Variants in SLC2A12 observed in about 807,000 individuals in gnomAD.
SLC2A12 encodes the protein solute carrier family 2 member 12.
Under a neutral mutation model 41.8 loss-of-function variants are expected in SLC2A12, and 23 were observed. The observed-to-expected ratio is 0.55, with a 90% CI of 0.40 to 0.78. The LOEUF is 0.78. Ranked by LOEUF, SLC2A12 falls within the 30% of genes least tolerant of loss-of-function variation. The pLI is 0.00. For synonymous variants in SLC2A12, 295 were observed against 285.9 expected (o/e 1.03, Z -0.32); for missense variants, 654 against 745.6 (o/e 0.88, Z 1.43).
intron 1 of SLC2A12, among the ~76,000 whole-genome samples, chr6:134,036,042 G>T (rs1777293879): frequency 6.6e-6 from 1 of 152,190 alleles, no homozygotes; most frequent in African/African-American, 2.4e-5. Context: ...GTTTCTGCCT[G>T]CTTTCTTCTT....
At position 134,052,511 on chromosome 6, in the gene SLC2A12, C is replaced by A; in HGVS notation, c.-31G>T. On this transcript the variant is annotated 5_prime_UTR_variant, in exon 1 of 5. Coordinates refer to ENST00000275230, the MANE Select transcript of SLC2A12 (RefSeq NM_145176.3). ...CGTAGAAGTTACAGCCGCTTCCCCG[C>A]CACCAAACCGCCCCGACCACCCCCG... The A allele has an allele frequency of 6.3e-7, 1 of 1,582,266 alleles. No homozygotes were observed. Among genetic ancestry groups the A allele is most frequent in the Non-Finnish European group, 8.7e-7 (1 of 1,154,684 alleles).
intron 3 of SLC2A12, among the ~76,000 whole-genome samples, chr6:134,003,772 G>A (rs9375999): frequency 0.19 from 28,393 of 152,066 alleles, 2,774 homozygotes; most frequent in African/African-American, 0.21. Context: ...CTCTCGAGAT[G>A]TTTTACTCAG....
At chr6:134,022,059 A>T (rs1476363091) in intron 2 of SLC2A12, among the ~76,000 whole-genome samples, 2 of 152,176 alleles carry the variant, frequency 1.3e-5, no homozygotes, top group African/African-American at 2.4e-5. Context: ...CTACAAGTAA[A>T]TCGTGGCCCT....
intron 3 of SLC2A12, among the ~76,000 whole-genome samples, chr6:134,005,536 T>TGTAG (rs1374538656): frequency 6.6e-6 from 1 of 151,656 alleles, no homozygotes; most frequent in East Asian, 1.9e-4. Flanking sequence ...GGTGCGCACC[T>TGTAG]GTAGTCCCAG....
At chr6:134,003,923 G>A (rs145333983) in intron 3 of SLC2A12, among the ~76,000 whole-genome samples, 2 of 152,308 alleles carry the variant, frequency 1.3e-5, no homozygotes, top group Non-Finnish European at 2.9e-5. Flanking sequence ...AGAACCTCAC[G>A]TCTTTTAGAT....
intron 2 of SLC2A12, among the ~76,000 whole-genome samples, chr6:134,013,007 A>T (rs1437687197): frequency 1.3e-5 from 2 of 152,162 alleles, no homozygotes; most frequent in Non-Finnish European, 2.9e-5. Context: ...GTATAAGAAC[A>T]AGGTATTTAA....
At chr6:134,052,110 T>G (rs1290095900) in intron 1 of SLC2A12, among the ~76,000 whole-genome samples, 1 of 152,162 alleles carries the variant, frequency 6.6e-6, no homozygotes, top group East Asian at 1.9e-4. Flanking sequence ...GGTGGATGTG[T>G]AACCTGTATT....
At chr6:133,996,592 C>T (rs229908) in intron 4 of SLC2A12, among the ~76,000 whole-genome samples, 104,275 of 152,056 alleles carry the variant, frequency 0.69, 36,343 homozygotes, top group East Asian at 0.89. Context: ...TAACTTGATA[C>T]TGTAGTTTCC....
rs200551604 is a variant in SLC2A12, at chr6:134,016,397, C to CA, written c.1445-9464dup. ...GGTTTGCTAGGCTGGGGTGTTCCCT[C>CA]AAAAAAAAAAATTATGTGCAGGTGT... On this transcript the variant is annotated intron_variant, in intron 2 of 4. Coordinates refer to ENST00000275230, the MANE Select transcript of SLC2A12 (RefSeq NM_145176.3). Among the ~76,000 whole-genome samples the CA allele has an allele frequency of 5.3e-3, 785 of 147,974 alleles. 7 individuals are homozygous for CA. The highest frequency in any genetic ancestry group is 0.018 in the African/African-American group (729 of 40,602).
chr6:134,044,523 G>A (rs1347165092), intron 1 of SLC2A12, among the ~76,000 whole-genome samples: 1 of 151,996 alleles, frequency 6.6e-6, no homozygotes, highest in Non-Finnish European at 1.5e-5. Flanking sequence ...AGACCAGCCT[G>A]GCCAACATGA....
intron 4 of SLC2A12, among the ~76,000 whole-genome samples, chr6:133,997,051 C>G (rs1353372795): frequency 8.0e-6 from 1 of 124,312 alleles, no homozygotes; most frequent in Non-Finnish European, 1.6e-5. Flanking sequence ...ACAATCCTGG[C>G]TAACACGGTG....
chr6:134,041,905 A>AG (rs1777386997), intron 1 of SLC2A12, among the ~76,000 whole-genome samples: 1 of 152,162 alleles, frequency 6.6e-6, no homozygotes, highest in South Asian at 2.1e-4. Flanking sequence ...GTCTCCAGGA[A>AG]GGGGATGCTC....
chr6:134,052,551 C>T lies in SLC2A12; in HGVS notation c.-71G>A. 8.5e-7 allele frequency: 1 copy of T among 1,183,276 alleles called. No homozygotes were observed. Among genetic ancestry groups the T allele is most frequent in the Non-Finnish European group, 1.2e-6 (1 of 803,826 alleles). The allele number at this position is 1,183,276 out of a possible 1,614,324, so 73.3% of individuals were successfully genotyped here. A position where few individuals can be genotyped will look rare whatever the true frequency, so the allele number is the denominator to read the frequency against. The stretch of plus-strand genomic sequence containing the variant: ...GACCACCCCCGCTCCCAGGAGTGGT[C>T]ACTTTCCCCATAATAGCATGCTAAA... On this transcript the variant is annotated 5_prime_UTR_variant, in exon 1 of 5. An upstream open reading frame in the 5' UTR loses its in-frame stop. Coordinates refer to ENST00000275230, the MANE Select transcript of SLC2A12 (RefSeq NM_145176.3).
chr6:134,031,007 A>G (rs1397614934), intron 1 of SLC2A12, among the ~76,000 whole-genome samples: 1 of 152,218 alleles, frequency 6.6e-6, no homozygotes, highest in Non-Finnish European at 1.5e-5. Context: ...TGGTTTGGAC[A>G]AGAGATAATG....
chr6:134,020,449 A>G (rs1777026311), intron 2 of SLC2A12, among the ~76,000 whole-genome samples: 1 of 152,236 alleles, frequency 6.6e-6, no homozygotes, highest in Non-Finnish European at 1.5e-5. Context: ...CTTGTTCCTA[A>G]TAAAAATCTT....
At chr6:134,032,442 A>T (rs956431890) in intron 1 of SLC2A12, among the ~76,000 whole-genome samples, 16 of 36,684 alleles carry the variant, frequency 4.4e-4, no homozygotes, top group African/African-American at 1.7e-3. Context: ...ATATATATAT[A>T]TATATAAATA....
chr6:134,052,285 A>ACACACACACG (rs1338365473), intron 1 of SLC2A12, 93 bp downstream of exon 1: 3 of 1,043,300 alleles, frequency 2.9e-6, no homozygotes, highest in Non-Finnish European at 4.3e-6. Context: ...ACACACACAC[A>ACACACACACG]CACACACACA....
At position 134,029,417 on chromosome 6, in the gene SLC2A12, T is replaced by A. The variant is rs1777165872; in HGVS notation, c.408A>T (p.Gly136=). 1 of 1,614,070 alleles carries A rather than the reference T, an allele frequency of 6.2e-7. No individual in the cohort carries two copies. The highest frequency in any genetic ancestry group is 1.1e-5 in the South Asian group (1 of 91,074). ...AGATGGAGACCCCTATGGCAATGCG[T>A]CCCACTATAAGAACCGTGTAGGATA... ...LSLSYTVLIV[G]RIAIGVSISL... is the part of the protein sequence containing the mutation. The change falls in exon 2 of 5, where the codon GGA becomes GGT. Residue 136 remains glycine, a synonymous_variant. Transcript: ENST00000275230.
chr6:134,038,018 C>G (rs1777327282), intron 1 of SLC2A12, among the ~76,000 whole-genome samples: 1 of 152,138 alleles, frequency 6.6e-6, no homozygotes, highest in Admixed American at 6.5e-5. Flanking sequence ...TCCCACCCCT[C>G]CCCTGCACCC....
Sources: allele counts gnomAD v4.1 joint callset (sites outside exome capture counted in the v4.1 genomes callset), GRCh38; gene constraint gnomAD v4.1.1; transcripts MANE v1.5; gene names NCBI Gene and HGNC (gene_info 2026-07-23, HGNC 2026-07-21).